The following COL22A1 variants were observed in gnomAD, a reference collection of about 807,000 sequenced individuals.
COL22A1 encodes the protein collagen alpha-1(XXII) chain.
In COL22A1, 221 loss-of-function variants were observed where a neutral mutation model predicts 248.9. That is an observed-to-expected ratio of 0.89 (90% CI 0.80 to 0.99). The LOEUF (loss-of-function observed/expected upper bound fraction) is 0.99. Ranked by LOEUF, COL22A1 falls within the 50% of genes least tolerant of loss-of-function variation. COL22A1 has a pLI of 0.00. For missense variants in COL22A1, 2,240 were observed against 2,179.0 expected (o/e 1.03, Z -0.56); for synonymous variants, 891 against 793.4 (o/e 1.12, Z -2.07).
intron 42 of COL22A1, among the ~76,000 whole-genome samples, chr8:138,663,010 T>C (rs1426513076): frequency 3.7e-5 from 1 of 26,780 alleles, no homozygotes; most frequent in Non-Finnish European, 1.6e-4. Flanking sequence ...AGCAGGACTC[T>C]GTCACTCACA....
intron 53 of COL22A1, 21 bp from the exon 54 acceptor site, chr8:138,616,979 T>A (rs762752407): frequency 6.2e-7 from 1 of 1,613,936 alleles, no homozygotes; most frequent in Non-Finnish European, 8.5e-7. Flanking sequence ...GAGAATGGAG[T>A]TATTCCATGA....
intron 16 of COL22A1, among the ~76,000 whole-genome samples, chr8:138,767,558 T>A (rs56662818): frequency 6.6e-6 from 1 of 152,150 alleles, no homozygotes; most frequent in Admixed American, 6.5e-5. Flanking sequence ...AATAGGAAAG[T>A]GTAAGCTTAT....
At chr8:138,597,788 C>T (rs984546558) in intron 61 of COL22A1, among the ~76,000 whole-genome samples, 1 of 152,188 alleles carries the variant, frequency 6.6e-6, no homozygotes, top group South Asian at 2.1e-4. Context: ...CTCATCACCG[C>T]CCATAGCAGC....
rs74541757 is a variant in COL22A1 at position 138,835,414 on chromosome 8, G to A, written c.734-2264C>T. On this transcript the variant is annotated intron_variant, in intron 4 of 64. Coordinates refer to ENST00000303045, the MANE Select transcript of COL22A1 (RefSeq NM_152888.3). ...GAGTGATTCAGCATCTCTGGAGACG[G>A]TTGGTTTGTGGGAGGGAACAGGCAC... is the stretch of plus-strand genomic sequence containing the variant. 8.9e-3 allele frequency among the ~76,000 whole-genome samples: 1,349 copies of A among 152,322 alleles called. 26 individuals are homozygous for A. The highest frequency in any genetic ancestry group is 0.03 in the African/African-American group (1,257 of 41,556).
intron 16 of COL22A1, among the ~76,000 whole-genome samples, chr8:138,768,939 G>GAA (rs1298180447): frequency 6.8e-6 from 1 of 147,154 alleles, no homozygotes; most frequent in Admixed American, 6.8e-5. Flanking sequence ...TCCATCTCAA[G>GAA]AAAAAAAAAA....
chr8:138,604,323 G>C (rs1032548777), intron 59 of COL22A1, among the ~76,000 whole-genome samples: 33 of 152,150 alleles, frequency 2.2e-4, no homozygotes. Context: ...ACTGTGGAGG[G>C]GCAAGGCTGG....
intron 3 of COL22A1, among the ~76,000 whole-genome samples, chr8:138,846,133 A>G (rs927003762): frequency 1.1e-4 from 17 of 152,176 alleles, no homozygotes; most frequent in African/African-American, 3.9e-4. Flanking sequence ...CTAGCACTAC[A>G]TACAGGAATG....
chr8:138,613,811 T>C (rs2131895590), intron 56 of COL22A1, 56 bp downstream of exon 56: 1 of 1,412,272 alleles, frequency 7.1e-7, no homozygotes, highest in African/African-American at 1.4e-5. Context: ...TAAATATCAT[T>C]GTGGTAAAAG....
chr8:138,850,532 T>A (rs980800847), intron 3 of COL22A1, among the ~76,000 whole-genome samples: 1 of 152,152 alleles, frequency 6.6e-6, no homozygotes, highest in Admixed American at 6.6e-5. Context: ...GCTGGGCCCT[T>A]CCTGATGGGA....
intron 47 of COL22A1, among the ~76,000 whole-genome samples, chr8:138,638,436 T>C (rs1233631024): frequency 1.3e-5 from 2 of 152,126 alleles, no homozygotes; most frequent in South Asian, 2.1e-4. Context: ...AGGAGGGTCC[T>C]TCAGGGGGTC....
chr8:138,849,752 G>A (rs953350341), intron 3 of COL22A1, among the ~76,000 whole-genome samples: 2 of 152,128 alleles, frequency 1.3e-5, no homozygotes, highest in African/African-American at 2.4e-5. Flanking sequence ...GCAACGGGAA[G>A]CCAAGGCTCA....
intron 15 of COL22A1, 161 bp downstream of exon 15, chr8:138,778,192 A>G: frequency 1.3e-6 from 1 of 763,032 alleles, no homozygotes; most frequent in Non-Finnish European, 2.3e-6. Flanking sequence ...TGTAACATCT[A>G]ATAATTTCTG....
chr8:138,821,613 T>C (rs894472211), intron 6 of COL22A1, among the ~76,000 whole-genome samples: 8 of 152,138 alleles, frequency 5.3e-5, no homozygotes, highest in African/African-American at 1.9e-4. Context: ...CGCACAATGG[T>C]GTTAATGATG....
intron 32 of COL22A1, among the ~76,000 whole-genome samples, chr8:138,696,957 A>G (rs1379360951): frequency 6.6e-6 from 1 of 152,200 alleles, no homozygotes; most frequent in East Asian, 1.9e-4. Context: ...ATTCATAAAG[A>G]CAAAAGGGCT....
chr8:138,733,122 C>G (rs570414033), intron 23 of COL22A1, among the ~76,000 whole-genome samples: 2 of 152,166 alleles, frequency 1.3e-5, no homozygotes, highest in Non-Finnish European at 2.9e-5. Flanking sequence ...AGCCTCTTCT[C>G]GGGCCAAGCC....
chr8:138,862,766 T>G (rs1414005066), intron 3 of COL22A1, among the ~76,000 whole-genome samples: 3 of 152,068 alleles, frequency 2.0e-5, no homozygotes, highest in African/African-American at 7.2e-5. Context: ...AAGGTTTTTT[T>G]TTTTTTTTTT....
chr8:138,722,332 C>T, intron 25 of COL22A1: 1 of 536,990 alleles, frequency 1.9e-6, no homozygotes, highest in South Asian at 2.5e-5. Flanking sequence ...GTACACTGGC[C>T]ATGCATGGAG....
At chr8:138,651,297 C>T (rs1052202109) in intron 45 of COL22A1, among the ~76,000 whole-genome samples, 4 of 152,134 alleles carry the variant, frequency 2.6e-5, no homozygotes, top group Non-Finnish European at 4.4e-5. Context: ...ACCAGGCAAA[C>T]AGAAGGTGTA....
chr8:138,605,076 C>T (rs1328603504), intron 58 of COL22A1, among the ~76,000 whole-genome samples: 1 of 152,064 alleles, frequency 6.6e-6, no homozygotes, highest in South Asian at 2.1e-4. Flanking sequence ...GATCAGGAGG[C>T]CTCTCTGAGA....
Sources: allele counts gnomAD v4.1 joint callset (sites outside exome capture counted in the v4.1 genomes callset), GRCh38; gene constraint gnomAD v4.1.1; transcripts MANE v1.5; gene names NCBI Gene and HGNC (gene_info 2026-07-23, HGNC 2026-07-21).